CSMD1: variants seen among roughly 807,000 people sequenced by gnomAD.
The protein encoded by CSMD1 is CUB and Sushi multiple domains 1, also known as CUB and sushi domain-containing protein 1.
In CSMD1, 213 loss-of-function variants were observed where a neutral mutation model predicts 417.5. The ratio of observed to expected loss-of-function variants is 0.51; its 90% CI spans 0.46 to 0.57. The LOEUF is 0.57. CSMD1 is among the 20% of genes least tolerant of loss of function. The pLI, the probability that CSMD1 is intolerant of heterozygous loss-of-function variation, is 0.00. For missense variants in CSMD1, 6,923 were observed against 4,529.7 expected (o/e 1.53, Z -15.17); for synonymous variants, 2,862 against 1,736.8 (o/e 1.65, Z -16.11).
chr8:3,676,849 T>A (rs1799400005), intron 7 of CSMD1, among the ~76,000 whole-genome samples: 2 of 152,192 alleles, frequency 1.3e-5, no homozygotes, highest in South Asian at 4.1e-4. Context: ...TCATTTCCTT[T>A]GCAGGGACAT....
intron 3 of CSMD1, among the ~76,000 whole-genome samples, chr8:4,319,380 T>A (rs773855105): frequency 6.6e-6 from 1 of 152,162 alleles, no homozygotes; most frequent in South Asian, 2.1e-4. Context: ...TTTGAAATAC[T>A]GAGCCTCTGG....
At chr8:3,996,037 T>A (rs1030569266) in intron 5 of CSMD1, among the ~76,000 whole-genome samples, 16 of 152,324 alleles carry the variant, frequency 1.1e-4, no homozygotes, top group African/African-American at 3.8e-4. Flanking sequence ...ATTGTTGCCA[T>A]AAAGTGCTAC....
chr8:3,406,334 T>C, intron 14 of CSMD1, 113 bp from the exon 15 acceptor site: 1 of 779,974 alleles, frequency 1.3e-6, no homozygotes, highest in Non-Finnish European at 1.9e-6. Flanking sequence ...ATGTATATAA[T>C]TATATAAATT....
chr8:4,873,646 A>T (rs551191831), intron 1 of CSMD1, among the ~76,000 whole-genome samples: 1 of 152,244 alleles, frequency 6.6e-6, no homozygotes, highest in African/African-American at 2.4e-5. Flanking sequence ...CCTCCATTCA[A>T]CTTTCCATCT....
chr8:3,621,579 ACTTTT>A (rs1190896323), intron 7 of CSMD1, among the ~76,000 whole-genome samples: 2 of 151,926 alleles, frequency 1.3e-5, no homozygotes, highest in East Asian at 1.9e-4. Context: ...CATGGTTTTT[ACTTTT>A]CTTTTCTTAC....
At chr8:3,774,833 C>T (rs973719078) in intron 5 of CSMD1, among the ~76,000 whole-genome samples, 3 of 152,150 alleles carry the variant, frequency 2.0e-5, no homozygotes, top group Admixed American at 6.6e-5. Flanking sequence ...TCAAGGGATA[C>T]ATTCCAAGAC....
chr8:3,591,696 T>C (rs59440755), intron 8 of CSMD1, among the ~76,000 whole-genome samples: 5,729 of 152,106 alleles, frequency 0.038, 285 homozygotes, highest in Admixed American at 0.13. Context: ...AGATAGATGA[T>C]TGATAGATAG....
intron 1 of CSMD1, among the ~76,000 whole-genome samples, chr8:4,977,667 T>G (rs1169735644): frequency 6.6e-6 from 1 of 152,200 alleles, no homozygotes; most frequent in Non-Finnish European, 1.5e-5. Flanking sequence ...GCCTCACTAG[T>G]TGACATAATT....
intron 7 of CSMD1, among the ~76,000 whole-genome samples, chr8:3,648,141 C>A (rs868533387): frequency 6.6e-6 from 1 of 152,084 alleles, no homozygotes; most frequent in Admixed American, 6.5e-5. Context: ...TACTATGGCC[C>A]CAGATTAAGT....
intron 7 of CSMD1, among the ~76,000 whole-genome samples, chr8:3,644,210 C>T (rs1454275458): frequency 6.6e-6 from 1 of 152,186 alleles, no homozygotes; most frequent in East Asian, 1.9e-4. Flanking sequence ...GCTCAGAAAT[C>T]TATTTCAATA....
At chr8:3,621,522 G>A (rs1796241315) in intron 7 of CSMD1, among the ~76,000 whole-genome samples, 1 of 152,112 alleles carries the variant, frequency 6.6e-6, no homozygotes, top group African/African-American at 2.4e-5. Flanking sequence ...GATGAATAGT[G>A]GTGATGGATG....
At chr8:3,640,125 T>C (rs1386216426) in intron 7 of CSMD1, among the ~76,000 whole-genome samples, 3 of 152,196 alleles carry the variant, frequency 2.0e-5, no homozygotes, top group African/African-American at 7.2e-5. Flanking sequence ...TTTCCACCTG[T>C]CCCACTTTTT....
intron 11 of CSMD1, among the ~76,000 whole-genome samples, chr8:3,479,896 G>A (rs377085674): frequency 6.6e-6 from 1 of 152,024 alleles, no homozygotes; most frequent in East Asian, 1.9e-4. Flanking sequence ...AAAGAAATAA[G>A]TTATAAAAAT....
intron 10 of CSMD1, among the ~76,000 whole-genome samples, chr8:3,536,767 G>A (rs537553771): frequency 6.6e-6 from 1 of 152,290 alleles, no homozygotes; most frequent in Admixed American, 6.5e-5. Context: ...TCCATTGTGT[G>A]GAAGGGACTA....
intron 1 of CSMD1, among the ~76,000 whole-genome samples, chr8:4,813,791 G>T (rs1409754805): frequency 1.3e-5 from 2 of 152,166 alleles, no homozygotes; most frequent in Non-Finnish European, 2.9e-5. Context: ...GCTTGAGAAT[G>T]TCTAGGGTTG....
chr8:4,951,521 G>C (rs1236927997), intron 1 of CSMD1, among the ~76,000 whole-genome samples: 1 of 149,054 alleles, frequency 6.7e-6, no homozygotes, highest in Non-Finnish European at 1.5e-5. Context: ...AGGATGGGAG[G>C]GGAGAAAGAG....
rs372745534 is a variant in CSMD1, at chr8:3,216,098, A to G, written c.4673-1407T>C. ...TTCTCATTTAAGAATTTGAGATTAA[A>G]TGATACATATATATTTTATATACAT... On this transcript the variant is annotated intron_variant, in intron 29 of 69. Coordinates refer to ENST00000635120, the MANE Select transcript of CSMD1 (RefSeq NM_033225.6). Among the ~76,000 whole-genome samples the G allele has an allele frequency of 1.6e-4, 24 of 150,616 alleles. No homozygotes were observed. The East Asian group carries it at 4.6e-3, about 29-fold the overall frequency.
chr8:4,807,205 G>A (rs1798639782), intron 1 of CSMD1, among the ~76,000 whole-genome samples: 1 of 152,058 alleles, frequency 6.6e-6, no homozygotes, highest in African/African-American at 2.4e-5. Flanking sequence ...ATTCCCATCT[G>A]CCTGTCCACC....
intron 5 of CSMD1, among the ~76,000 whole-genome samples, chr8:3,780,453 T>G (rs1010591974): frequency 1.3e-5 from 2 of 152,202 alleles, no homozygotes; most frequent in African/African-American, 4.8e-5. Flanking sequence ...ATTTCACAAC[T>G]TTAATGGTTC....
Sources: allele counts gnomAD v4.1 joint callset (sites outside exome capture counted in the v4.1 genomes callset), GRCh38; gene constraint gnomAD v4.1.1; transcripts MANE v1.5; gene names NCBI Gene and HGNC (gene_info 2026-07-23, HGNC 2026-07-21).